SLC14A2: variants seen among roughly 807,000 people sequenced by gnomAD.
SLC14A2 encodes the protein urea transporter 2.
SLC14A2 carries 91 observed loss-of-function variants against 104.6 expected under a neutral mutation model. The ratio of observed to expected loss-of-function variants is 0.87; its 90% confidence interval spans 0.73 to 1.04. The LOEUF (loss-of-function observed/expected upper bound fraction) is 1.04. SLC14A2 is among the 50% of genes least tolerant of loss of function. The probability of loss-of-function intolerance (pLI) is 0.00; values close to 1 mark genes in which losing one functional copy is unlikely to be tolerated. For synonymous variants in SLC14A2, 476 were observed against 466.4 expected (o/e 1.02, Z -0.27); for missense variants, 1,189 against 1,156.0 (o/e 1.03, Z -0.41).
chr18:45,581,160 ATTGTCTAGAGTGGATATT>A (rs908660043), intron 2 of SLC14A2, among the ~76,000 whole-genome samples: 30 of 152,140 alleles, frequency 2.0e-4, no homozygotes, highest in Non-Finnish European at 2.6e-4. Context: ...AAGAGCAGTG[ATTGTCTAGAGTGGATATT>A]TTGGGAATGA....
the SLC14A2 span, chr18:45,181,337 C>A: frequency 2.0e-5 from 3 of 152,180 alleles, no homozygotes; most frequent in African/African-American, 7.2e-5. Context: ...TCGGGTGCAG[C>A]CATTTCAGAG....
chr18:45,365,257 T>C (rs530670895), intron 1 of SLC14A2, among the ~76,000 whole-genome samples: 2 of 152,344 alleles, frequency 1.3e-5, no homozygotes, highest in East Asian at 3.9e-4. Context: ...TCTAGCTCTG[T>C]GACCTTGTGA....
At chr18:45,507,157 T>A (rs1055777267) in intron 2 of SLC14A2, 7 of 152,166 alleles carry the variant, frequency 4.6e-5, no homozygotes, top group African/African-American at 1.7e-4. Context: ...GTCCCCACTG[T>A]GAGAGGCACA....
intron 2 of SLC14A2, among the ~76,000 whole-genome samples, chr18:45,609,655 G>A (rs770344682): frequency 7.9e-5 from 12 of 152,256 alleles, no homozygotes; most frequent in Admixed American, 6.5e-4. Context: ...ATCAATAACC[G>A]ATCTGTCTCT....
chr18:45,218,783 C>T (rs537548872), intron 1 of SLC14A2, among the ~76,000 whole-genome samples: 107 of 151,962 alleles, frequency 7.0e-4, no homozygotes, highest in Non-Finnish European at 1.4e-3. Flanking sequence ...AAAGATGCCC[C>T]GCACGAAAGC....
At chr18:45,559,031 C>T (rs756830767) in intron 2 of SLC14A2, among the ~76,000 whole-genome samples, 3 of 152,004 alleles carry the variant, frequency 2.0e-5, no homozygotes, top group Non-Finnish European at 4.4e-5. Flanking sequence ...CCTCGTGGTC[C>T]GCCCGCCTCG....
intron 1 of SLC14A2, among the ~76,000 whole-genome samples, chr18:45,340,379 C>T (rs1204118337): frequency 6.6e-6 from 1 of 152,186 alleles, no homozygotes; most frequent in Non-Finnish European, 1.5e-5. Flanking sequence ...GAAGTACATG[C>T]CCTGCCCATC....
At position 45,632,700 on chromosome 18, in the gene SLC14A2, CAG is replaced by C. The variant is rs1221107979; in HGVS notation, c.650+225_650+226del. On this transcript the variant is annotated intron_variant, in intron 5 of 19. Transcript: ENST00000255226. ...TCTTTTGTTTTTTGTTTGTTTGACA[CAG>C]AGTCTTGCTCTGTCGTCCAGGCTGG... Among the ~76,000 whole-genome samples, 9 of 152,280 alleles carry C rather than the reference CAG, an allele frequency of 5.9e-5. No homozygotes were observed. In the East Asian group the frequency reaches 1.7e-3, roughly 29 times the overall value.
Position 45,683,106 on chromosome 18 carries a change from AAG to A in SLC14A2, c.*588_*589del, listed in dbSNP as rs1181231490. 78 of 150,706 alleles carry A rather than the reference AAG, an allele frequency of 5.2e-4. No homozygotes were observed. Among genetic ancestry groups the A allele is most frequent in the Non-Finnish European group, 6.2e-4 (42 of 68,220 alleles). The allele number at this position is 150,706 out of a possible 1,614,324, so 9.3% of individuals were successfully genotyped here. A position where few individuals can be genotyped will look rare whatever the true frequency, so the allele number is the denominator to read the frequency against. On this transcript the variant is annotated 3_prime_UTR_variant, in exon 20 of 20. Coordinates refer to ENST00000255226, the MANE Select transcript of SLC14A2 (RefSeq NM_007163.4). ...GAGACTCTGTCTCAAAAAAAAAAAA[AAG>A]GGGAAGTCACCAAGAAAGGGATAGA...
intron 1 of SLC14A2, among the ~76,000 whole-genome samples, chr18:45,266,661 G>T (rs1380524046): frequency 6.6e-6 from 1 of 152,158 alleles, no homozygotes. Flanking sequence ...GTGATTATCA[G>T]TTGGTATGTG....
At chr18:45,360,921 C>G (rs1305932227) in intron 1 of SLC14A2, among the ~76,000 whole-genome samples, 1 of 152,190 alleles carries the variant, frequency 6.6e-6, no homozygotes, top group Non-Finnish European at 1.5e-5. Flanking sequence ...TTTCCTCTCT[C>G]TTTGTCCCTC....
chr18:45,342,550 G>A (rs563818494), intron 1 of SLC14A2, among the ~76,000 whole-genome samples: 8 of 151,844 alleles, frequency 5.3e-5, no homozygotes, highest in African/African-American at 1.9e-4. Context: ...ATATTTTGAG[G>A]AGGTCATTTT....
intron 10 of SLC14A2, among the ~76,000 whole-genome samples, chr18:45,651,480 C>A (rs1330069971): frequency 6.6e-6 from 1 of 152,162 alleles, no homozygotes; most frequent in African/African-American, 2.4e-5. Flanking sequence ...AGAGGGAGTG[C>A]ACTAGGTACG....
chr18:45,625,514 C>G (rs112980445), intron 2 of SLC14A2, among the ~76,000 whole-genome samples, 169 bp from the exon 3 acceptor site: 1 of 152,158 alleles, frequency 6.6e-6, no homozygotes, highest in South Asian at 2.1e-4. Context: ...CTGGGAAGAA[C>G]AGGCTTGTAC....
chr18:45,405,430 G>A (rs533708324), intron 1 of SLC14A2, among the ~76,000 whole-genome samples: 1 of 152,256 alleles, frequency 6.6e-6, no homozygotes, highest in East Asian at 1.9e-4. Context: ...AACCAAAATT[G>A]TTCCAGGTGA....
intron 1 of SLC14A2, among the ~76,000 whole-genome samples, chr18:45,476,591 A>G (rs113074124): frequency 0.061 from 9,345 of 152,162 alleles, 394 homozygotes; most frequent in African/African-American, 0.12. Flanking sequence ...ACTTGGTTCC[A>G]TTCTCCCCAT....
At chr18:45,533,648 A>G (rs1318737304) in intron 2 of SLC14A2, among the ~76,000 whole-genome samples, 1 of 152,164 alleles carries the variant, frequency 6.6e-6, no homozygotes, top group Admixed American at 6.5e-5. Context: ...TCACAAAACC[A>G]GCTCCTGGAT....
At chr18:45,625,895 A>ACCAGG (rs2045250198) in intron 3 of SLC14A2, 32 bp downstream of exon 3, 1 of 1,399,516 alleles carries the variant, frequency 7.1e-7, no homozygotes, top group Non-Finnish European at 9.3e-7. Flanking sequence ...AGGCAGCCAG[A>ACCAGG]CCAGGCCAGG....
the SLC14A2 span, among the ~76,000 whole-genome samples, chr18:45,182,459 G>A: frequency 6.6e-6 from 1 of 151,746 alleles, no homozygotes; most frequent in African/African-American, 2.4e-5. Context: ...TGAAAAATGT[G>A]TTATTTCAAA....
Sources: gnomAD v4.1 joint callset for allele counts (sites outside exome capture counted in the v4.1 genomes callset) on GRCh38, gnomAD v4.1.1 for gene constraint, MANE v1.5 for transcripts, NCBI Gene and HGNC (gene_info 2026-07-23, HGNC 2026-07-21) for gene names.